SELENON: variants seen among roughly 807,000 people sequenced by gnomAD.
SELENON encodes the protein selenoprotein N, 1.
SELENON carries 44 observed loss-of-function variants against 59.5 expected under a neutral mutation model. The ratio of observed to expected loss-of-function variants is 0.74; its 90% CI spans 0.58 to 0.95. The LOEUF (loss-of-function observed/expected upper bound fraction) is 0.95. Ranked by LOEUF, SELENON falls within the 40% of genes least tolerant of loss-of-function variation. The pLI, the probability that SELENON is intolerant of heterozygous loss-of-function variation, is 0.00. For synonymous variants in SELENON, 320 were observed against 305.6 expected, an observed-to-expected ratio of 1.05 and a Z score of -0.49; for missense variants, 674 against 721.4, an observed-to-expected ratio of 0.93 and a Z score of 0.75.
chr1:25,814,685 G>C (rs1266728584), intron 12 of SELENON, among the ~76,000 whole-genome samples: 1 of 152,220 alleles, frequency 6.6e-6, no homozygotes, highest in Non-Finnish European at 1.5e-5. Context: ...GGCCCAGAAA[G>C]TTGAGAGACT....
intron 4 of SELENON, 28 bp from the exon 4 acceptor site, chr1:25,808,552 C>G (rs1186686821): frequency 1.2e-6 from 2 of 1,611,916 alleles, no homozygotes; most frequent in Non-Finnish European, 1.7e-6. Flanking sequence ...TTCTCAGATT[C>G]CTGGAGCTTT....
At chr1:25,805,330 T>G in intron 4 of SELENON, 55 bp downstream of exon 3, 1 of 1,610,446 alleles carries the variant, frequency 6.2e-7, no homozygotes. Context: ...GAAGATGAGT[T>G]TCTGCTCCAT....
At position 25,800,307 on chromosome 1, in the gene SELENON, G is replaced by A. The variant is rs1369855341; in HGVS notation, c.77G>A (p.Arg26His). The change falls in exon 1 of 13, where the codon CGC becomes CAC. Residue 26 changes from arginine (R) to histidine (H), a missense_variant. By Grantham distance (29) the Arg-to-His change is conservative (BLOSUM62 0). Transcript: ENST00000361547. ...GCGCAGCCTCCCGCGCCACCGCGCC[G>A]CCGCGCCCGTTCCCTGGCGCTGCTC... The A allele has an allele frequency of 1.0e-6, 1 of 996,268 alleles. No homozygotes were observed. The highest frequency in any genetic ancestry group is 4.2e-5 in the South Asian group (1 of 23,668). The allele number at this position is 996,268 out of a possible 1,614,324, so 61.7% of individuals were successfully genotyped here.
chr1:25,815,925 C>T lies in SELENON; in HGVS notation c.*207C>T, dbSNP rs1273742321. ...TGCCTGGGCTGACTGGGCAGAGGAA[C>T]CTCTAGCTCTGACTGTCACTCGGCT... On this transcript the variant is annotated 3_prime_UTR_variant, in exon 13 of 13. Coordinates refer to ENST00000361547, the MANE Select transcript of SELENON (RefSeq NM_020451.3). 1.7e-6 allele frequency: 1 copy of T among 584,878 alleles called. No individual in the cohort carries two copies. The highest frequency in any genetic ancestry group is 3.1e-6 in the Non-Finnish European group (1 of 327,492). 36.2% of individuals were successfully genotyped at this position (584,878 alleles called of 1,614,324 possible). A position where few individuals can be genotyped will look rare whatever the true frequency, so the allele number is the denominator to read the frequency against.
At chr1:25,811,954 GCACAGA>G (rs202103730) in intron 9 of SELENON, 75 bp downstream of exon 8, 1 of 1,458,210 alleles carries the variant, frequency 6.9e-7, no homozygotes, top group East Asian at 2.5e-5. Flanking sequence ...CAGCAGCTGG[GCACAGA>G]CGCTGGTATG....
At chr1:25,802,596 T>G (rs1393641480) in intron 3 of SELENON, among the ~76,000 whole-genome samples, 1 of 152,202 alleles carries the variant, frequency 6.6e-6, no homozygotes, top group East Asian at 1.9e-4. Context: ...CCTCAAGAGA[T>G]CTGCCCGCCT....
At position 25,811,544 on chromosome 1, in the gene SELENON, A is replaced by C; in HGVS notation, c.1092+9A>C. ...TCGGCTACATACCCCAGGTGAGCGC[A>C]CAGGAGGCTCCCATCCAGGTGGGCT... On this transcript the variant is annotated intron_variant, in intron 8 of 12. Coordinates refer to ENST00000361547, the MANE Select transcript of SELENON (RefSeq NM_020451.3). The C allele has an allele frequency of 6.2e-7, 1 of 1,613,878 alleles. No individual in the cohort carries two copies. The highest frequency in any genetic ancestry group is 8.5e-7 in the Non-Finnish European group (1 of 1,179,832).
rs1401967857 is a variant in SELENON at position 25,816,452 on chromosome 1, C to G, written c.*734C>G. 2 of 152,650 alleles carry G rather than the reference C, an allele frequency of 1.3e-5. No individual in the cohort carries two copies. The highest frequency in any genetic ancestry group is 2.9e-5 in the Non-Finnish European group (2 of 68,352). 9.5% of individuals were successfully genotyped at this position (152,650 alleles called of 1,614,324 possible). ...CCGAGGCCCAGGGCCAAGGCACTCCCACCGCCTACCTTAGCACAGGGTCTC... is the reference window on the plus strand; with the variant it reads ...CCGAGGCCCAGGGCCAAGGCACTCCGACCGCCTACCTTAGCACAGGGTCTC... On this transcript the variant is annotated 3_prime_UTR_variant, in exon 13 of 13. Coordinates refer to ENST00000361547, the MANE Select transcript of SELENON (RefSeq NM_020451.3).
intron 7 of SELENON, among the ~76,000 whole-genome samples, chr1:25,811,100 C>T (rs1572234510): frequency 6.6e-6 from 1 of 151,922 alleles, no homozygotes; most frequent in South Asian, 2.1e-4. Flanking sequence ...CCACGGTGCT[C>T]GTTTTCATTC....
At chr1:25,811,937 T>C (rs2047964392) in intron 9 of SELENON, 58 bp downstream of exon 8, 4 of 1,517,486 alleles carry the variant, frequency 2.6e-6, no homozygotes, top group Non-Finnish European at 3.6e-6. Context: ...GGCTGGGAGC[T>C]GTGGAGCAGC....
chr1:25,813,860 C>A, intron 10 of SELENON, 21 bp from the exon 10 acceptor site: 1 of 1,602,034 alleles, frequency 6.2e-7, no homozygotes, highest in East Asian at 2.2e-5. Flanking sequence ...GGGCGCCTCA[C>A]CCTTCTGTCT....
At chr1:25,808,967 C>T in intron 5 of SELENON, 59 bp from the exon 5 acceptor site, 17 of 1,612,370 alleles carry the variant, frequency 1.1e-5, no homozygotes, top group Non-Finnish European at 1.4e-5. Flanking sequence ...ACCCCCACCC[C>T]AGCGGATCCA....
rs2047896249 is a variant in SELENON, at chr1:25,805,266, C to T, written c.528C>T (p.Gly176=). 6.2e-7 allele frequency: 1 copy of T among 1,613,956 alleles called. No homozygotes were observed. Among genetic ancestry groups the T allele is most frequent in the Admixed American group, 1.7e-5 (1 of 60,008 alleles). The change falls in exon 4 of 13, where the codon GGC becomes GGT. Residue 176 remains glycine, a synonymous_variant. Coordinates refer to ENST00000361547, the MANE Select transcript of SELENON (RefSeq NM_020451.3). ...AGACCATGACCAAGAGCAAAGATGG[C>T]TTCCTAGGGGTGAGTTGGGGACCAC... is the stretch of plus-strand genomic sequence containing the variant.
chr1:25,810,699 G>A (rs1414005656), intron 7 of SELENON, among the ~76,000 whole-genome samples: 6 of 152,194 alleles, frequency 3.9e-5, no homozygotes, highest in African/African-American at 1.4e-4. Context: ...GCCCCTAGGA[G>A]TGGGGGTGGC....
At chr1:25,802,517 G>A (rs1394617573) in intron 3 of SELENON, among the ~76,000 whole-genome samples, 2 of 151,928 alleles carry the variant, frequency 1.3e-5, no homozygotes, top group South Asian at 2.1e-4. Context: ...CCACCATGCC[G>A]GGCTGATTTT....
At chr1:25,803,004 C>T (rs2124439998) in intron 3 of SELENON, among the ~76,000 whole-genome samples, 1 of 152,230 alleles carries the variant, frequency 6.6e-6, no homozygotes, top group South Asian at 2.1e-4. Flanking sequence ...TCCGTGCTGG[C>T]CCGGTGACCT....
chr1:25,810,852 TGTA>T (rs1242224866), intron 7 of SELENON, among the ~76,000 whole-genome samples: 1 of 152,178 alleles, frequency 6.6e-6, no homozygotes, highest in African/African-American at 2.4e-5. Context: ...GGGCCTGGAC[TGTA>T]TGGGACAGGA....
chr1:25,812,566 C>CACACACAT (rs2047973639), intron 9 of SELENON, 121 bp from the exon 9 acceptor site: 1 of 192,184 alleles, frequency 5.2e-6, no homozygotes, highest in Non-Finnish European at 9.6e-6. Context: ...TACACACAAA[C>CACACACAT]ACACACACAC....
rs199920149 is a variant in SELENON, at chr1:25,812,700, C to T, written c.1295C>T (p.Pro432Leu). The T allele has an allele frequency of 4.4e-5, 71 of 1,611,642 alleles. No homozygotes were observed. In the East Asian group the frequency reaches 7.4e-4, roughly 17 times the overall value. Residue 432 changes from proline to leucine, a missense_variant, in exon 10 of 13, where the codon CCG (proline) becomes CTG (leucine). Pro to Leu is a moderately conservative substitution (Grantham distance 98, BLOSUM62 -3). Transcript: ENST00000361547. The stretch of plus-strand genomic sequence containing the variant: ...GTGTGGCCCCAGGTCTCCTACTTGC[C>T]GTTCACTGAGGCCTTCGACCGAGCC...
Sources: allele counts gnomAD v4.1 joint callset (sites outside exome capture counted in the v4.1 genomes callset), GRCh38; gene constraint gnomAD v4.1.1; transcripts MANE v1.5; gene names NCBI Gene and HGNC (gene_info 2026-07-23, HGNC 2026-07-21).